IPO7: variants seen among roughly 807,000 people sequenced by gnomAD.
IPO7 encodes importin 7, also known as importin-7.
A neutral mutation model predicts 136.4 loss-of-function variants in IPO7; 13 were observed. That is an observed-to-expected ratio of 0.10 (90% confidence interval 0.06 to 0.15). The LOEUF is 0.15. Among genes scored for constraint, IPO7 ranks in the 10% least tolerant of loss-of-function variants. The pLI, the probability that IPO7 is intolerant of heterozygous loss-of-function variation, is 1.00. For synonymous variants in IPO7, 403 were observed against 404.4 expected (o/e 1.00, Z 0.04); for missense variants, 857 against 1,240.6 (o/e 0.69, Z 4.65).
chr11:9,396,979 G>C (rs1191779413), intron 1 of IPO7, among the ~76,000 whole-genome samples: 1 of 151,812 alleles, frequency 6.6e-6, no homozygotes, highest in Non-Finnish European at 1.5e-5. Context: ...GGCCTAGAAA[G>C]TTTCCGTGAT....
intron 1 of IPO7, among the ~76,000 whole-genome samples, chr11:9,398,672 G>A (rs1257965050): frequency 2.6e-5 from 4 of 152,112 alleles, no homozygotes; most frequent in Non-Finnish European, 5.9e-5. Flanking sequence ...ATACAACAAC[G>A]TAATGATCAA....
intron 1 of IPO7, among the ~76,000 whole-genome samples, chr11:9,392,701 C>A (rs1854653387): frequency 6.6e-6 from 1 of 152,020 alleles, no homozygotes; most frequent in Admixed American, 6.6e-5. Flanking sequence ...GTTATCCCAG[C>A]ACTTTGGGAG....
Position 9,403,274 on chromosome 11 carries a change from C to T in IPO7, c.85-16C>T. On this transcript the variant is annotated splice_polypyrimidine_tract_variant and intron_variant, in intron 1 of 24. Coordinates refer to ENST00000379719, the MANE Select transcript of IPO7 (RefSeq NM_006391.3). ...TTTATTTGCAGAAGTTTAAAATGGA[C>T]TTTTTTTCTTTGTAGGCACACAAGT... is the stretch of plus-strand genomic sequence containing the variant. 1 of 1,584,490 alleles carries T rather than the reference C, an allele frequency of 6.3e-7. No homozygotes were observed. Among genetic ancestry groups the T allele is most frequent in the South Asian group, 1.1e-5 (1 of 89,974 alleles).
At chr11:9,436,870 T>TTTTTTG (rs1855383193) in intron 20 of IPO7, among the ~76,000 whole-genome samples, 1 of 12,958 alleles carries the variant, frequency 7.7e-5, no homozygotes, top group African/African-American at 2.9e-4. Context: ...ATATATATAT[T>TTTTTTG]TTTTTTTTTT....
At position 9,424,899 on chromosome 11, in the gene IPO7, A is replaced by C; in HGVS notation, c.1142-15A>C. The C allele has an allele frequency of 6.6e-7, 1 of 1,518,184 alleles. No individual in the cohort carries two copies. The highest frequency in any genetic ancestry group is 9.1e-7 in the Non-Finnish European group (1 of 1,103,668). 94.0% of individuals were successfully genotyped at this position (1,518,184 alleles called of 1,614,324 possible). On this transcript the variant is annotated splice_polypyrimidine_tract_variant and intron_variant, in intron 10 of 24. Coordinates refer to ENST00000379719, the MANE Select transcript of IPO7 (RefSeq NM_006391.3). ...AATTAATGTTTATTGTCTTAATTTT[A>C]AACTTGTTCTCTAGATGTGTTTGAA...
At chr11:9,387,350 T>G (rs1854565402) in intron 1 of IPO7, among the ~76,000 whole-genome samples, 1 of 152,184 alleles carries the variant, frequency 6.6e-6, no homozygotes, top group Non-Finnish European at 1.5e-5. Flanking sequence ...CTCAGAGTCT[T>G]TGCACTTAAC....
At chr11:9,433,690 AT>A in intron 17 of IPO7, 30 bp from the exon 18 acceptor site, 1 of 1,613,190 alleles carries the variant, frequency 6.2e-7, no homozygotes, top group Non-Finnish European at 8.5e-7. Flanking sequence ...ATGAGCAAGC[AT>A]TTTCCTAATG....
intron 6 of IPO7, 194 bp from the exon 7 acceptor site, chr11:9,420,217 T>C (rs572321737): frequency 8.7e-5 from 43 of 492,374 alleles, no homozygotes; most frequent in African/African-American, 8.2e-4. Context: ...CTTGGGAGGC[T>C]GAGGCGGGAG....
chr11:9,384,677 A>C lies in IPO7; in HGVS notation c.-87A>C. ...CCTTTCGCGCCGGTTGCCGCTGCGGAGCGCGGCGGGTCCATGTGCGCAGTG... is the reference window on the plus strand; with the variant it reads ...CCTTTCGCGCCGGTTGCCGCTGCGGCGCGCGGCGGGTCCATGTGCGCAGTG... On this transcript the variant is annotated 5_prime_UTR_variant, in exon 1 of 25. Transcript: ENST00000379719. The C allele has an allele frequency of 8.9e-7, 1 of 1,120,500 alleles. No homozygotes were observed. Among genetic ancestry groups the C allele is most frequent in the East Asian group, 2.8e-5 (1 of 35,290 alleles). 69.4% of individuals were successfully genotyped at this position (1,120,500 alleles called of 1,614,324 possible). A position where few individuals can be genotyped will look rare whatever the true frequency, so the allele number is the denominator to read the frequency against.
chr11:9,434,398 A>G (rs1471187689), intron 18 of IPO7, among the ~76,000 whole-genome samples: 2 of 152,218 alleles, frequency 1.3e-5, no homozygotes, highest in Non-Finnish European at 2.9e-5. Flanking sequence ...AATCTTCTCC[A>G]TATAAATGTA....
chr11:9,403,465 A>AT (rs1173435458), intron 2 of IPO7, 94 bp downstream of exon 2: 8 of 882,258 alleles, frequency 9.1e-6, no homozygotes, highest in South Asian at 1.6e-5. Context: ...CCCTTTGGCA[A>AT]TTTTTTCCCC....
intron 6 of IPO7, among the ~76,000 whole-genome samples, chr11:9,419,735 ATAAT>A (rs1191775194): frequency 2.6e-5 from 4 of 151,502 alleles, no homozygotes; most frequent in East Asian, 1.9e-4. Flanking sequence ...AAATAATATG[ATAAT>A]TAATATTCTC....
At position 9,392,438 on chromosome 11, in the gene IPO7, G is replaced by T. The variant is rs1854649889; in HGVS notation, c.84+7591G>T. The T allele has an allele frequency of 3.1e-5, 6 of 194,448 alleles. No homozygotes were observed. In the South Asian group the frequency reaches 3.9e-4, roughly 13 times the overall value. The allele number at this position is 194,448 out of a possible 1,614,324, so 12.0% of individuals were successfully genotyped here. ...CCACCTTGGTCTCCCTAAGTGCTGG[G>T]ATTACAGGTGTGAGCCACTGTGCCC... On this transcript the variant is annotated intron_variant, in intron 1 of 24. Coordinates refer to ENST00000379719, the MANE Select transcript of IPO7 (RefSeq NM_006391.3).
intron 2 of IPO7, among the ~76,000 whole-genome samples, chr11:9,404,281 C>T (rs956041172): frequency 1.3e-4 from 20 of 151,978 alleles, no homozygotes; most frequent in African/African-American, 4.1e-4. Context: ...CTGGCTAACA[C>T]GGTGAAACCC....
At chr11:9,402,834 C>A (rs1369849078) in intron 1 of IPO7, 1 of 156,100 alleles carries the variant, frequency 6.4e-6, no homozygotes, top group East Asian at 1.9e-4. Context: ...GCCTTGGGGG[C>A]GACAGTAAGA....
At position 9,409,911 on chromosome 11, in the gene IPO7, T is replaced by C; in HGVS notation, c.321-17T>C. 6.7e-7 allele frequency: 1 copy of C among 1,497,250 alleles called. No homozygotes were observed. Among genetic ancestry groups the C allele is most frequent in the South Asian group, 1.3e-5 (1 of 75,152 alleles). The allele number at this position is 1,497,250 out of a possible 1,614,324, so 92.7% of individuals were successfully genotyped here. A position where few individuals can be genotyped will look rare whatever the true frequency, so the allele number is the denominator to read the frequency against. The stretch of plus-strand genomic sequence containing the variant: ...CTAGTTAGGATTTTTTCCTTACTGT[T>C]TTTTTTTGGCTTCCAGGGTACAGCT... On this transcript the variant is annotated splice_polypyrimidine_tract_variant and intron_variant, in intron 3 of 24. Transcript: ENST00000379719.
intron 6 of IPO7, among the ~76,000 whole-genome samples, chr11:9,419,559 A>ATATAT (rs1554954689): frequency 1.2e-3 from 145 of 116,830 alleles, no homozygotes; most frequent in African/African-American, 4.7e-3. Context: ...AAAAAAAAAA[A>ATATAT]ATATATATAT....
rs774631960 is a variant in IPO7, at chr11:9,433,728, T to C, written c.1956T>C (p.Tyr652=). 20 of 1,612,706 alleles carry C rather than the reference T, an allele frequency of 1.2e-5. No individual in the cohort carries two copies. The highest frequency in any genetic ancestry group is 1.7e-5 in the Non-Finnish European group (20 of 1,179,946). ...TVLQQHVLEF[Y]EEIFSLAHSL... Reference sequence around the variant, plus strand: ...CTTAGTATTCTCTTTTAGAATTCTATGAGGAGATCTTCTCTTTAGCGCACA... The same window carrying C: ...CTTAGTATTCTCTTTTAGAATTCTACGAGGAGATCTTCTCTTTAGCGCACA... The change falls in exon 18 of 25, where the codon TAT becomes TAC. Residue 652 remains tyrosine, a synonymous_variant. Transcript: ENST00000379719.
intron 20 of IPO7, among the ~76,000 whole-genome samples, 159 bp downstream of exon 20, chr11:9,436,525 A>G (rs1855371163): frequency 2.0e-5 from 3 of 152,154 alleles, no homozygotes; most frequent in Admixed American, 2.0e-4. Flanking sequence ...CTAATATATA[A>G]TAATGATCAT....
Sources: gnomAD v4.1 joint callset for allele counts (sites outside exome capture counted in the v4.1 genomes callset) on GRCh38, gnomAD v4.1.1 for gene constraint, MANE v1.5 for transcripts, NCBI Gene and HGNC (gene_info 2026-07-23, HGNC 2026-07-21) for gene names.